CPAMD8: variants seen among roughly 807,000 people sequenced by gnomAD.
The protein encoded by CPAMD8 is C3 and PZP-like alpha-2-macroglobulin domain-containing protein 8.
A neutral mutation model predicts 224.7 loss-of-function variants in CPAMD8; 146 were observed. The observed-to-expected ratio is 0.65, with a 90% CI of 0.57 to 0.75. The LOEUF is 0.75. Among genes scored for constraint, CPAMD8 ranks in the 30% least tolerant of loss-of-function variants. CPAMD8 has a pLI of 0.00. For synonymous variants in CPAMD8, 966 were observed against 1,044.6 expected, an observed-to-expected ratio of 0.92 and a Z score of 1.45; for missense variants, 2,301 against 2,537.5, an observed-to-expected ratio of 0.91 and a Z score of 2.00.
Position 16,997,132 on chromosome 19 carries a change from C to A in CPAMD8, c.1074G>T (p.Pro358=). The A allele has an allele frequency of 6.2e-7, 1 of 1,607,208 alleles. No individual in the cohort carries two copies. Among genetic ancestry groups the A allele is most frequent in the Non-Finnish European group, 8.5e-7 (1 of 1,173,884 alleles). The change falls in exon 11 of 42, where the codon CCG becomes CCT. Residue 358 remains proline (P), a synonymous_variant. Coordinates refer to ENST00000443236, the MANE Select transcript of CPAMD8 (RefSeq NM_015692.5). ...TTACCTTCCCCACGTAGGCCAGGCC[C>A]GGCTTGAACTGCTTCCTCGTGTCCT... ...YSKDTRKQFK[P]GLAYVGKVEL...
chr19:17,004,919 C>CA (rs1465675627), intron 7 of CPAMD8, among the ~76,000 whole-genome samples: 1 of 151,554 alleles, frequency 6.6e-6, no homozygotes, highest in South Asian at 2.1e-4. Context: ...CCCTAGGGGG[C>CA]AAAATCACCC....
At chr19:16,965,786 G>T (rs1467028603) in intron 18 of CPAMD8, among the ~76,000 whole-genome samples, 2 of 152,044 alleles carry the variant, frequency 1.3e-5, no homozygotes, top group Non-Finnish European at 2.9e-5. Context: ...AACTTACAAG[G>T]GATGTGAAGG....
At chr19:16,906,795 C>T (rs189124200) in intron 30 of CPAMD8, among the ~76,000 whole-genome samples, 157 bp downstream of exon 30, 11 of 151,764 alleles carry the variant, frequency 7.2e-5, no homozygotes, top group Non-Finnish European at 1.2e-4. Flanking sequence ...CTGCAATCTC[C>T]GCCTCCCGGG....
chr19:16,968,289 C>T (rs1027276357), intron 18 of CPAMD8, among the ~76,000 whole-genome samples: 1 of 152,162 alleles, frequency 6.6e-6, no homozygotes, highest in African/African-American at 2.4e-5. Flanking sequence ...AAACTAGGAA[C>T]CCTGTAGGCC....
chr19:17,008,714 C>G (rs1034923754), intron 6 of CPAMD8, 155 bp from the exon 7 acceptor site: 1 of 846,178 alleles, frequency 1.2e-6, no homozygotes. Context: ...AAAAAAAAAG[C>G]TCTGGATAGA....
intron 18 of CPAMD8, among the ~76,000 whole-genome samples, chr19:16,969,865 C>A (rs1599808888): frequency 7.3e-6 from 1 of 136,928 alleles, no homozygotes; most frequent in African/African-American, 2.9e-5. Context: ...CAGAGCCAGG[C>A]TCCATCTCAA....
intron 22 of CPAMD8, among the ~76,000 whole-genome samples, chr19:16,942,369 G>A (rs1340707559): frequency 6.6e-6 from 1 of 152,112 alleles, no homozygotes; most frequent in Non-Finnish European, 1.5e-5. Flanking sequence ...GGCTGAGAAA[G>A]AAGAATCACT....
intron 18 of CPAMD8, among the ~76,000 whole-genome samples, chr19:16,959,700 C>A (rs184501351): frequency 6.6e-6 from 1 of 151,888 alleles, no homozygotes; most frequent in Non-Finnish European, 1.5e-5. Flanking sequence ...ACCACCATGT[C>A]CGGCTAATTT....
intron 22 of CPAMD8, among the ~76,000 whole-genome samples, chr19:16,941,703 G>A (rs977215437): frequency 1.3e-5 from 2 of 152,036 alleles, no homozygotes; most frequent in Non-Finnish European, 2.9e-5. Flanking sequence ...GGCTGGGCAC[G>A]GTGGCTCACG....
At chr19:16,946,023 GTGTT>G (rs1357321644) in intron 21 of CPAMD8, among the ~76,000 whole-genome samples, 1 of 152,016 alleles carries the variant, frequency 6.6e-6, no homozygotes, top group Non-Finnish European at 1.5e-5. Context: ...ATCTGTACGT[GTGTT>G]TGTGTGTATA....
intron 18 of CPAMD8, among the ~76,000 whole-genome samples, chr19:16,969,323 G>A (rs560200446): frequency 6.6e-6 from 1 of 152,338 alleles, no homozygotes; most frequent in East Asian, 1.9e-4. Flanking sequence ...TGGAGATATT[G>A]TTGGTTGTTA....
rs530405281 is a variant in CPAMD8 at position 16,987,704 on chromosome 19, A to G, written c.1395+1939T>C. 2.8e-4 allele frequency among the ~76,000 whole-genome samples: 42 copies of G among 152,232 alleles called. 2 individuals are homozygous for G. Among genetic ancestry groups the G allele is most frequent in the African/African-American group, 8.7e-4 (36 of 41,558 alleles). On this transcript the variant is annotated intron_variant, in intron 13 of 41. Coordinates refer to ENST00000443236, the MANE Select transcript of CPAMD8 (RefSeq NM_015692.5). ...CTCGCTCTGTCACCCAGGCTGGAGT[A>G]CAGTGGCACGATCATGTTTCACTGC...
chr19:16,991,771 C>T (rs1447117381), intron 12 of CPAMD8, among the ~76,000 whole-genome samples: 1 of 151,724 alleles, frequency 6.6e-6, no homozygotes, highest in Non-Finnish European at 1.5e-5. Context: ...AGGATAATCG[C>T]TTGAACCTGG....
intron 5 of CPAMD8, among the ~76,000 whole-genome samples, chr19:17,010,476 C>G (rs1405572544): frequency 1.3e-5 from 2 of 152,050 alleles, no homozygotes; most frequent in Non-Finnish European, 2.9e-5. Flanking sequence ...CTGGCCACAG[C>G]GATCTTCCTG....
chr19:16,932,793 A>G (rs2053583566), intron 23 of CPAMD8, among the ~76,000 whole-genome samples: 1 of 152,226 alleles, frequency 6.6e-6, no homozygotes, highest in Non-Finnish European at 1.5e-5. Flanking sequence ...ATAATAGCTG[A>G]AAACTTCCCA....
chr19:17,015,254 A>C (rs943633959), intron 3 of CPAMD8, among the ~76,000 whole-genome samples: 1 of 152,342 alleles, frequency 6.6e-6, no homozygotes, highest in East Asian at 1.9e-4. Flanking sequence ...AAAATAAAAA[A>C]TAAAAAAAAT....
At chr19:16,951,363 G>GA (rs1231931927) in intron 20 of CPAMD8, among the ~76,000 whole-genome samples, 2 of 151,532 alleles carry the variant, frequency 1.3e-5, no homozygotes, top group East Asian at 1.9e-4. Context: ...TGGTTAGGAG[G>GA]AAAAAAAATT....
At chr19:16,969,336 A>G (rs1395002951) in intron 18 of CPAMD8, among the ~76,000 whole-genome samples, 1 of 152,174 alleles carries the variant, frequency 6.6e-6, no homozygotes, top group Non-Finnish European at 1.5e-5. Context: ...GGTTGTTACA[A>G]CTGGGAAGGA....
chr19:16,965,928 T>A (rs1271577481), intron 18 of CPAMD8, among the ~76,000 whole-genome samples: 3 of 152,192 alleles, frequency 2.0e-5, no homozygotes, highest in Non-Finnish European at 4.4e-5. Flanking sequence ...CAAGGTAATT[T>A]ATAGATTCAA....
Sources: allele counts gnomAD v4.1 joint callset (sites outside exome capture counted in the v4.1 genomes callset), GRCh38; gene constraint gnomAD v4.1.1; transcripts MANE v1.5; gene names NCBI Gene and HGNC (gene_info 2026-07-23, HGNC 2026-07-21).